SS18L1: variants seen among roughly 807,000 people sequenced by gnomAD.
The protein encoded by SS18L1 is calcium-responsive transactivator.
In SS18L1, 32 loss-of-function variants were observed where a neutral mutation model predicts 70.3. The observed-to-expected ratio is 0.46, with a 90% CI of 0.34 to 0.61. The LOEUF is 0.61. SS18L1 is among the 20% of genes least tolerant of loss of function. The pLI is 0.01. For missense variants in SS18L1, 430 were observed against 542.1 expected, an observed-to-expected ratio of 0.79 and a Z score of 2.05; for synonymous variants, 237 against 229.7, an observed-to-expected ratio of 1.03 and a Z score of -0.29.
chr20:62,170,187 C>A lies in SS18L1; in HGVS notation c.917-2495C>A, dbSNP rs1033507491. Among the ~76,000 whole-genome samples the A allele has an allele frequency of 3.9e-5, 6 of 152,156 alleles. No homozygotes were observed. In the South Asian group the frequency reaches 1.2e-3, roughly 31 times the overall value. ...CTGCCCGGCACCTTCTCACGGGCAC[C>A]CCGCAGAATGCCAGAGGATTCTTAG... On this transcript the variant is annotated intron_variant, in intron 8 of 10. Transcript: ENST00000331758.
At chr20:62,151,517 A>G (rs1231215125) in intron 1 of SS18L1, among the ~76,000 whole-genome samples, 1 of 152,162 alleles carries the variant, frequency 6.6e-6, no homozygotes, top group Non-Finnish European at 1.5e-5. Flanking sequence ...GCCTGAGACC[A>G]CAGGGGTGAC....
intron 1 of SS18L1, among the ~76,000 whole-genome samples, chr20:62,157,097 C>T (rs1328435030): frequency 6.6e-6 from 1 of 152,136 alleles, no homozygotes; most frequent in Non-Finnish European, 1.5e-5. Flanking sequence ...CAGTGCTGCC[C>T]CCAGGTGGAC....
chr20:62,150,984 A>T (rs950099668), intron 1 of SS18L1, among the ~76,000 whole-genome samples: 2 of 152,116 alleles, frequency 1.3e-5, no homozygotes, highest in Admixed American at 1.3e-4. Flanking sequence ...AGTCTTTGTA[A>T]TTAGAAAGGA....
At chr20:62,172,086 C>CGG (rs1463347828) in intron 8 of SS18L1, among the ~76,000 whole-genome samples, 26 of 151,350 alleles carry the variant, frequency 1.7e-4, no homozygotes, top group African/African-American at 6.3e-4. Context: ...GGCGTGAACC[C>CGG]GGGTGGGGCG....
intron 1 of SS18L1, among the ~76,000 whole-genome samples, chr20:62,149,994 C>T (rs936857138): frequency 6.6e-6 from 1 of 152,206 alleles, no homozygotes; most frequent in Non-Finnish European, 1.5e-5. Context: ...CGCCATGAGA[C>T]TGGAAGTGAT....
rs2057712452 is a variant in SS18L1, at chr20:62,181,706, T to G, written c.*2498T>G. The stretch of plus-strand genomic sequence containing the variant: ...AACAGAATGTTTATTTAATGTGCTG[T>G]CCATTTTTATGTAATATTATGGGGA... On this transcript the variant is annotated 3_prime_UTR_variant, in exon 11 of 11. Transcript: ENST00000331758. 1 of 221,614 alleles carries G rather than the reference T, an allele frequency of 4.5e-6. No individual in the cohort carries two copies. The highest frequency in any genetic ancestry group is 9.0e-6 in the Non-Finnish European group (1 of 110,552). The allele number at this position is 221,614 out of a possible 1,614,324, so 13.7% of individuals were successfully genotyped here. A position where few individuals can be genotyped will look rare whatever the true frequency, so the allele number is the denominator to read the frequency against.
intron 5 of SS18L1, 127 bp from the exon 6 acceptor site, chr20:62,163,331 G>C (rs747477018): frequency 7.1e-7 from 1 of 1,403,102 alleles, no homozygotes; most frequent in South Asian, 1.3e-5. Context: ...TGCGGTGGAG[G>C]ACGCTGTCCT....
chr20:62,147,891 G>T (rs1224361586), intron 1 of SS18L1, among the ~76,000 whole-genome samples: 1 of 152,188 alleles, frequency 6.6e-6, no homozygotes, highest in African/African-American at 2.4e-5. Flanking sequence ...GGTGGGGATG[G>T]GCTGCGGAGG....
chr20:62,146,605 A>ATTTT (rs10673768), intron 1 of SS18L1, among the ~76,000 whole-genome samples: 863 of 79,684 alleles, frequency 0.011, 141 homozygotes, highest in African/African-American at 0.042. Context: ...TGCTTTGATC[A>ATTTT]TTTTTTTTTT....
chr20:62,163,343 G>A (rs1045551145), intron 5 of SS18L1, 115 bp from the exon 6 acceptor site: 20 of 1,482,326 alleles, frequency 1.3e-5, no homozygotes, highest in Admixed American at 1.9e-5. Flanking sequence ...CGCTGTCCTC[G>A]TGGGGAGCAC....
At position 62,163,313 on chromosome 20, in the gene SS18L1, G is replaced by T. The variant is rs2057366058; in HGVS notation, c.557-145G>T. 1.5e-5 allele frequency: 19 copies of T among 1,230,258 alleles called. No homozygotes were observed. In the South Asian group the frequency reaches 2.6e-4, roughly 17 times the overall value. The allele number at this position is 1,230,258 out of a possible 1,614,324, so 76.2% of individuals were successfully genotyped here. On this transcript the variant is annotated intron_variant, in intron 5 of 10. Transcript: ENST00000331758. ...CGTCAGTGCAGGCCACGTAGGGGAGGCGTGCCTTGCGGTGGAGGACGCTGT... is the reference window on the plus strand; with the variant it reads ...CGTCAGTGCAGGCCACGTAGGGGAGTCGTGCCTTGCGGTGGAGGACGCTGT...
intron 1 of SS18L1, among the ~76,000 whole-genome samples, chr20:62,149,115 A>AT (rs1210768265): frequency 1.7e-4 from 26 of 152,200 alleles, no homozygotes; most frequent in African/African-American, 6.0e-4. Flanking sequence ...CAGAAGACAG[A>AT]TTCCCTGGAA....
chr20:62,163,672 G>A (rs747362882), intron 6 of SS18L1, 50 bp downstream of exon 6: 18 of 1,486,942 alleles, frequency 1.2e-5, no homozygotes, highest in South Asian at 9.3e-5. Flanking sequence ...GCCGCGGGTC[G>A]TGAAGTGCCA....
intron 8 of SS18L1, among the ~76,000 whole-genome samples, chr20:62,166,224 C>A (rs1312778118): frequency 6.6e-6 from 1 of 152,208 alleles, no homozygotes; most frequent in African/African-American, 2.4e-5. Context: ...CGGGATTGCG[C>A]AACCTCGTCC....
At chr20:62,160,089 C>G (rs1484021637) in intron 3 of SS18L1, 128 bp downstream of exon 3, 1 of 950,112 alleles carries the variant, frequency 1.1e-6, no homozygotes, top group South Asian at 1.6e-5. Context: ...ACCACTAGAG[C>G]CACCAGAAAT....
Position 62,182,183 on chromosome 20 carries a change from C to A in SS18L1, c.*2975C>A, listed in dbSNP as rs945604343. On this transcript the variant is annotated 3_prime_UTR_variant, in exon 11 of 11. Transcript: ENST00000331758. ...TAAGATCTGAAAAGAAACCTTAATA[C>A]GCTCATATGGTTGGAGTGTTAAGTG... 1 of 222,694 alleles carries A rather than the reference C, an allele frequency of 4.5e-6. No homozygotes were observed. Among genetic ancestry groups the A allele is most frequent in the Non-Finnish European group, 9.0e-6 (1 of 111,672 alleles). The allele number at this position is 222,694 out of a possible 1,614,324, so 13.8% of individuals were successfully genotyped here.
At position 62,144,603 on chromosome 20, in the gene SS18L1, A is replaced by G. The variant is rs541113174; in HGVS notation, c.69+714A>G. On this transcript the variant is annotated intron_variant, in intron 1 of 10. Coordinates refer to ENST00000331758, the MANE Select transcript of SS18L1 (RefSeq NM_198935.3). ...CCCTCGCCAGCCGCCTCGCCTAACA[A>G]ACTTGACGGATTTGCTCCACAACCT... Among the ~76,000 whole-genome samples, 5 of 152,360 alleles carry G rather than the reference A, an allele frequency of 3.3e-5. No individual in the cohort carries two copies. In the East Asian group the frequency reaches 9.7e-4, roughly 29 times the overall value.
In SS18L1 at chr20:62,179,685, C is replaced by T. The variant is rs1267404106; in HGVS notation, c.*477C>T. 8.5e-6 allele frequency: 1 copy of T among 117,606 alleles called. No homozygotes were observed. The highest frequency in any genetic ancestry group is 1.6e-5 in the Non-Finnish European group (1 of 62,026). The allele number at this position is 117,606 out of a possible 1,614,324, so 7.3% of individuals were successfully genotyped here. On this transcript the variant is annotated 3_prime_UTR_variant, in exon 11 of 11. Transcript: ENST00000331758. ...CCACAGCTGGACACACATGCAGCCC[C>T]TGGAGGGCAGCCTCTTCCTGTGCCT...
intron 1 of SS18L1, among the ~76,000 whole-genome samples, chr20:62,145,626 C>A (rs3761225): frequency 2.0e-5 from 3 of 152,074 alleles, no homozygotes; most frequent in Non-Finnish European, 4.4e-5. Flanking sequence ...AGGTGCTGCC[C>A]CGAACATCAG....
Sources: allele counts gnomAD v4.1 joint callset (sites outside exome capture counted in the v4.1 genomes callset), GRCh38; gene constraint gnomAD v4.1.1; transcripts MANE v1.5; gene names NCBI Gene and HGNC (gene_info 2026-07-23, HGNC 2026-07-21).